The following DLGAP2 variants were observed in gnomAD, a reference collection of about 807,000 sequenced individuals.
DLGAP2 encodes the protein disks large-associated protein 2.
A neutral mutation model predicts 100.3 loss-of-function variants in DLGAP2; 26 were observed. The ratio of observed to expected loss-of-function variants is 0.26; its 90% CI spans 0.19 to 0.36. The LOEUF (loss-of-function observed/expected upper bound fraction) is 0.36. Ranked by LOEUF, DLGAP2 falls within the 10% of genes least tolerant of loss-of-function variation. DLGAP2 has a pLI of 1.00. For synonymous variants in DLGAP2, 886 were observed against 630.1 expected (o/e 1.41, Z -6.08); for missense variants, 1,858 against 1,453.2 (o/e 1.28, Z -4.53).
At chr8:1,359,323 C>G (rs1801924566) in intron 3 of DLGAP2, among the ~76,000 whole-genome samples, 1 of 152,232 alleles carries the variant, frequency 6.6e-6, no homozygotes, top group African/African-American at 2.4e-5. Context: ...GACGCCTTCA[C>G]CCAAAGAGAG....
At chr8:1,149,180 C>T (rs991050487) in intron 2 of DLGAP2, among the ~76,000 whole-genome samples, 1 of 151,982 alleles carries the variant, frequency 6.6e-6, no homozygotes, top group Non-Finnish European at 1.5e-5. Flanking sequence ...GAGCCTCGCT[C>T]TGTTGCCCAG....
chr8:867,912 G>A (rs1797528433), intron 1 of DLGAP2, among the ~76,000 whole-genome samples: 1 of 152,184 alleles, frequency 6.6e-6, no homozygotes. Context: ...TCTGTTGGCA[G>A]TTGTGCCAAT....
chr8:1,627,065 C>G (rs987857628), intron 7 of DLGAP2, among the ~76,000 whole-genome samples, 178 bp downstream of exon 7: 2 of 152,262 alleles, frequency 1.3e-5, no homozygotes, highest in Admixed American at 6.5e-5. Context: ...CGTGGACTTA[C>G]TGTTATATTT....
intron 1 of DLGAP2, among the ~76,000 whole-genome samples, chr8:745,078 C>T (rs566411096): frequency 5.3e-5 from 8 of 152,352 alleles, no homozygotes; most frequent in African/African-American, 1.4e-4. Flanking sequence ...TGCCTCGTTA[C>T]GCCACCGTCC....
chr8:1,634,540 C>G (rs937362235), intron 8 of DLGAP2, among the ~76,000 whole-genome samples: 1 of 152,168 alleles, frequency 6.6e-6, no homozygotes, highest in Non-Finnish European at 1.5e-5. Flanking sequence ...AGTCCTGGGC[C>G]AGTTCTCATG....
intron 3 of DLGAP2, among the ~76,000 whole-genome samples, chr8:1,425,874 T>C (rs1797224387): frequency 6.6e-6 from 1 of 152,074 alleles, no homozygotes; most frequent in African/African-American, 2.4e-5. Flanking sequence ...GAATGCGGAC[T>C]GGAGCTTGGT....
chr8:1,548,445 C>G (rs560705440), intron 4 of DLGAP2, among the ~76,000 whole-genome samples, 181 bp from the exon 5 acceptor site: 2 of 115,900 alleles, frequency 1.7e-5, no homozygotes, highest in African/African-American at 6.6e-5. Context: ...GGCGACAGAG[C>G]GAGACTGTCT....
chr8:842,307 C>A (rs1294685983), intron 1 of DLGAP2, among the ~76,000 whole-genome samples: 1 of 152,160 alleles, frequency 6.6e-6, no homozygotes, highest in African/African-American at 2.4e-5. Context: ...GTCCTTTATA[C>A]CTGAAGACCA....
At chr8:1,523,174 C>T (rs2130426501) in intron 4 of DLGAP2, among the ~76,000 whole-genome samples, 1 of 152,334 alleles carries the variant, frequency 6.6e-6, no homozygotes, top group African/African-American at 2.4e-5. Context: ...AAAGGCCCCC[C>T]TCTGGTGGTC....
chr8:1,172,161 AT>A (rs1288640022), intron 2 of DLGAP2, among the ~76,000 whole-genome samples: 2 of 151,710 alleles, frequency 1.3e-5, no homozygotes, highest in East Asian at 3.9e-4. Flanking sequence ...TTGGCTGGAT[AT>A]GAAATTCTGG....
rs151302667 is a variant in DLGAP2 at position 981,955 on chromosome 8, C to G, written c.73+73989C>G. On this transcript the variant is annotated intron_variant, in intron 2 of 14. Transcript: ENST00000637795. ...GGTCTTCCTTGTTTTCTGCTGTTCA[C>G]AGGTAAACTGGATACCACATCCCTG... 1.5e-3 allele frequency among the ~76,000 whole-genome samples: 227 copies of G among 152,354 alleles called. 2 individuals carry two copies. Among genetic ancestry groups the G allele is most frequent in the African/African-American group, 5.2e-3 (215 of 41,582 alleles).
At chr8:1,561,974 G>A (rs528570074) in intron 5 of DLGAP2, among the ~76,000 whole-genome samples, 5 of 50,834 alleles carry the variant, frequency 9.8e-5, no homozygotes, top group Admixed American at 2.9e-4. Flanking sequence ...GCGCCTCGTT[G>A]CTGCGGGACT....
At chr8:1,288,488 G>C (rs1389663000) in intron 3 of DLGAP2, among the ~76,000 whole-genome samples, 1 of 127,408 alleles carries the variant, frequency 7.8e-6, no homozygotes, top group Non-Finnish European at 1.7e-5. Context: ...AGTTCAGTGT[G>C]TGTGTGTGTG....
chr8:1,254,956 G>GTGCTCTCTCCTGCCCGGGTGC (rs1799144731), intron 2 of DLGAP2, among the ~76,000 whole-genome samples: 2 of 67,826 alleles, frequency 2.9e-5, no homozygotes, highest in African/African-American at 1.6e-4. Flanking sequence ...GGTGCTGTGT[G>GTGCTCTCTCCTGCCCGGGTGC]TGTGTCCTCT....
chr8:1,176,799 C>G (rs576220508), intron 2 of DLGAP2, among the ~76,000 whole-genome samples: 1 of 152,152 alleles, frequency 6.6e-6, no homozygotes, highest in Non-Finnish European at 1.5e-5. Flanking sequence ...CGGTTGGAGG[C>G]AGGCCTGGTG....
At chr8:748,306 G>GGGACTCCGTGGT (rs1820702424) in intron 1 of DLGAP2, among the ~76,000 whole-genome samples, 1 of 151,556 alleles carries the variant, frequency 6.6e-6, no homozygotes, top group South Asian at 2.1e-4. Flanking sequence ...GGCTCCGTGG[G>GGGACTCCGTGGT]GGACTCCGTG....
At chr8:1,434,410 C>T (rs1351570833) in intron 3 of DLGAP2, among the ~76,000 whole-genome samples, 1 of 152,130 alleles carries the variant, frequency 6.6e-6, no homozygotes, top group Non-Finnish European at 1.5e-5. Context: ...TAAGAGAGAG[C>T]CCTTAGCATC....
At chr8:1,350,153 A>G (rs1339823171) in intron 3 of DLGAP2, among the ~76,000 whole-genome samples, 1 of 152,058 alleles carries the variant, frequency 6.6e-6, no homozygotes, top group Non-Finnish European at 1.5e-5. Flanking sequence ...AACATCCCCG[A>G]CTACTTCATG....
chr8:1,424,157 G>A (rs1030784776), intron 3 of DLGAP2, among the ~76,000 whole-genome samples: 5 of 152,224 alleles, frequency 3.3e-5, no homozygotes, highest in African/African-American at 1.2e-4. Flanking sequence ...GAATGAGCCT[G>A]CAGCTATTTC....
Sources: allele counts gnomAD v4.1 joint callset (sites outside exome capture counted in the v4.1 genomes callset), GRCh38; gene constraint gnomAD v4.1.1; transcripts MANE v1.5; gene names NCBI Gene and HGNC (gene_info 2026-07-23, HGNC 2026-07-21).